USP34: variants seen among roughly 807,000 people sequenced by gnomAD.
The protein encoded by USP34 is ubiquitin specific peptidase 34.
Under a neutral mutation model 460.3 loss-of-function variants are expected in USP34, and 70 were observed. The ratio of observed to expected loss-of-function variants is 0.15; its 90% confidence interval spans 0.13 to 0.19. USP34 has a LOEUF of 0.19. Among genes scored for constraint, USP34 ranks in the 10% least tolerant of loss-of-function variants. USP34 has a pLI of 1.00. For missense variants in USP34, 3,985 were observed against 4,236.2 expected (o/e 0.94, Z 1.65); for synonymous variants, 1,647 against 1,405.3 (o/e 1.17, Z -3.85).
chr2:61,357,158 G>A (rs1692133053), intron 10 of USP34, among the ~76,000 whole-genome samples: 1 of 152,160 alleles, frequency 6.6e-6, no homozygotes, highest in African/African-American at 2.4e-5. Context: ...TCAAGTACAT[G>A]TGGGACATGT....
chr2:61,193,262 G>T, intron 75 of USP34: 1 of 188,698 alleles, frequency 5.3e-6, no homozygotes, highest in Admixed American at 6.5e-5. Context: ...AAAAGAAAAA[G>T]TTACTGCAAG....
intron 2 of USP34, among the ~76,000 whole-genome samples, chr2:61,410,589 C>T (rs1331272768): frequency 6.6e-6 from 1 of 152,080 alleles, no homozygotes. Flanking sequence ...ATAAAAATAT[C>T]ACTTTCAGTC....
At chr2:61,339,733 A>G (rs565351408) in intron 16 of USP34, 52 bp from the exon 17 acceptor site, 1 of 971,664 alleles carries the variant, frequency 1.0e-6, no homozygotes, top group Non-Finnish European at 1.4e-6. Flanking sequence ...CAGCTGACTG[A>G]TTATAGCATT....
chr2:61,417,079 T>C, intron 2 of USP34: 1 of 1,406,804 alleles, frequency 7.1e-7, no homozygotes, highest in Non-Finnish European at 9.9e-7. Context: ...GAGCAGGACC[T>C]CAATCACATG....
chr2:61,422,088 C>T (rs575310153), intron 1 of USP34, among the ~76,000 whole-genome samples: 6 of 152,258 alleles, frequency 3.9e-5, no homozygotes, highest in Admixed American at 1.3e-4. Context: ...CCCTGGAAGC[C>T]GAAGACACTA....
chr2:61,213,464 GAA>G (rs1687324261), intron 68 of USP34, among the ~76,000 whole-genome samples: 1 of 152,146 alleles, frequency 6.6e-6, no homozygotes, highest in South Asian at 2.1e-4. Context: ...AGGCAACAGT[GAA>G]AAGTTATTAA....
intron 15 of USP34, among the ~76,000 whole-genome samples, chr2:61,344,545 G>A (rs978251232): frequency 2.0e-5 from 3 of 152,154 alleles, no homozygotes; most frequent in Non-Finnish European, 4.4e-5. Context: ...AAAATAACAT[G>A]AAGTTCAGGG....
intron 3 of USP34, 56 bp downstream of exon 3, chr2:61,405,652 G>C: frequency 7.0e-7 from 1 of 1,422,674 alleles, no homozygotes; most frequent in Non-Finnish European, 9.4e-7. Context: ...GTAAGAAACA[G>C]ACTGCGAAGT....
intron 29 of USP34, among the ~76,000 whole-genome samples, chr2:61,298,575 T>G (rs1452903917): frequency 1.2e-5 from 1 of 82,450 alleles, no homozygotes; most frequent in Non-Finnish European, 2.6e-5. Flanking sequence ...AAAAAAAATC[T>G]GCTGAAACAA....
chr2:61,311,917 C>T lies in USP34; in HGVS notation c.3543-7G>A, dbSNP rs1690604222. The stretch of plus-strand genomic sequence containing the variant: ...TCTCAGATGATATGCAAACCTAAAA[C>T]ATGACACAAACAACACATAGAAAGG... On this transcript the variant is annotated splice_polypyrimidine_tract_variant and splice_region_variant and intron_variant, in intron 25 of 79. Coordinates refer to ENST00000398571, the MANE Select transcript of USP34 (RefSeq NM_014709.4). 13 of 1,611,302 alleles carry T rather than the reference C, an allele frequency of 8.1e-6. No homozygotes were observed. Among genetic ancestry groups the T allele is most frequent in the East Asian group, 2.2e-5 (1 of 44,842 alleles).
intron 27 of USP34, among the ~76,000 whole-genome samples, chr2:61,308,527 A>C (rs1457299188): frequency 1.3e-5 from 2 of 152,204 alleles, no homozygotes; most frequent in Non-Finnish European, 2.9e-5. Flanking sequence ...ATGTTCCATA[A>C]GGAGAGAAAA....
At chr2:61,311,478 G>GAAAAAGAAAAAAAAGAGAA (rs1553368197) in intron 27 of USP34, 62 bp downstream of exon 27, 2 of 1,480,376 alleles carry the variant, frequency 1.4e-6, no homozygotes, top group African/African-American at 2.9e-5. Context: ...AAAAGAGAAA[G>GAAAAAGAAAAAAAAGAGAA]AGAAAGAGAA....
chr2:61,241,532 A>G, intron 53 of USP34, 28 bp downstream of exon 53: 2 of 1,526,846 alleles, frequency 1.3e-6, no homozygotes, highest in Non-Finnish European at 1.8e-6. Flanking sequence ...TATTTTTAAA[A>G]TGTTGCTCAA....
At chr2:61,445,292 T>C (rs963334082) in intron 1 of USP34, among the ~76,000 whole-genome samples, 2 of 148,944 alleles carry the variant, frequency 1.3e-5, no homozygotes, top group African/African-American at 5.0e-5. Flanking sequence ...TCCCAGCACT[T>C]TGGGAGGCCG....
chr2:61,299,189 C>T (rs1690141867), intron 29 of USP34, among the ~76,000 whole-genome samples: 1 of 152,128 alleles, frequency 6.6e-6, no homozygotes, highest in Admixed American at 6.5e-5. Flanking sequence ...TGGCAGCCCA[C>T]TGCATCCATT....
chr2:61,315,176 T>G (rs1384079194), intron 23 of USP34, among the ~76,000 whole-genome samples: 1 of 152,190 alleles, frequency 6.6e-6, no homozygotes, highest in African/African-American at 2.4e-5. Context: ...CAGATAACAA[T>G]ATATACATGT....
Position 61,232,476 on chromosome 2 carries a change from C to T in USP34, c.7089G>A (p.Lys2363=), listed in dbSNP as rs767270728. The change falls in exon 58 of 80, where the codon AAG becomes AAA. Residue 2363 remains lysine, a synonymous_variant. Coordinates refer to ENST00000398571, the MANE Select transcript of USP34 (RefSeq NM_014709.4). ...DDWWPMQILI[K]CPNQIVRQMF... ...CCTGTCTCACAATTTGATTAGGGCA[C>T]TTAATTAGTATCTGCATTGGCCACC... 36 of 1,609,282 alleles carry T rather than the reference C, an allele frequency of 2.2e-5. No homozygotes were observed. In the Admixed American group the frequency reaches 6.0e-4, roughly 27 times the overall value.
chr2:61,310,441 CATGAA>C (rs2103669137), intron 27 of USP34, among the ~76,000 whole-genome samples: 1 of 152,014 alleles, frequency 6.6e-6, no homozygotes, highest in African/African-American at 2.4e-5. Context: ...CATGAACTAA[CATGAA>C]ATGTTTTCTA....
intron 1 of USP34, among the ~76,000 whole-genome samples, chr2:61,450,096 TAAAC>T (rs950970086): frequency 2.4e-5 from 2 of 85,004 alleles, no homozygotes; most frequent in African/African-American, 1.0e-4. Flanking sequence ...CAAAAAGTCT[TAAAC>T]AAAAAAAAAG....
Sources: allele counts gnomAD v4.1 joint callset (sites outside exome capture counted in the v4.1 genomes callset), GRCh38; gene constraint gnomAD v4.1.1; transcripts MANE v1.5; gene names NCBI Gene and HGNC (gene_info 2026-07-23, HGNC 2026-07-21).